The following MAMDC2 variants were observed in gnomAD, a reference collection of about 807,000 sequenced individuals.
The protein encoded by MAMDC2 is MAM domain-containing protein 2.
Under a neutral mutation model 89.8 loss-of-function variants are expected in MAMDC2, and 57 were observed. That is an observed-to-expected ratio of 0.63 (90% CI 0.51 to 0.79). The LOEUF (loss-of-function observed/expected upper bound fraction) is 0.79. MAMDC2 is among the 30% of genes least tolerant of loss of function. The probability of loss-of-function intolerance (pLI) is 0.00; values close to 1 mark genes in which losing one functional copy is unlikely to be tolerated. For synonymous variants in MAMDC2, 313 were observed against 293.4 expected, an observed-to-expected ratio of 1.07 and a Z score of -0.68; for missense variants, 800 against 820.6, an observed-to-expected ratio of 0.97 and a Z score of 0.31.
rs58804811 is a variant in MAMDC2 at position 70,221,380 on chromosome 9, T to TAGAG, written c.1911+2809_1911+2812dup. Among the ~76,000 whole-genome samples the TAGAG allele has an allele frequency of 3.3e-3, 23 of 7,032 alleles. 1 individual carries two copies. Among genetic ancestry groups the TAGAG allele is most frequent in the African/African-American group, 6.1e-3 (14 of 2,288 alleles). The allele number at this position is 7,032 out of a possible 152,430, so 4.6% of individuals were successfully genotyped here. On this transcript the variant is annotated intron_variant, in intron 12 of 13. Transcript: ENST00000377182. Reference sequence around the variant, plus strand: ...AAATATATATATATATATATATATATAGAGAGAGAGAGAGAGAGAGAGAGA... The same window carrying TAGAG: ...AAATATATATATATATATATATATATAGAGAGAGAGAGAGAGAGAGAGAGAGAGA...
intron 11 of MAMDC2, among the ~76,000 whole-genome samples, chr9:70,206,588 C>T (rs1287320302): frequency 6.6e-6 from 1 of 152,086 alleles, no homozygotes; most frequent in Non-Finnish European, 1.5e-5. Context: ...ATACAACAAG[C>T]AACATAGGAG....
At chr9:70,194,339 C>T (rs1487617662) in intron 11 of MAMDC2, 1 of 152,106 alleles carries the variant, frequency 6.6e-6, no homozygotes, top group Non-Finnish European at 1.5e-5. Context: ...AATTAAGAGA[C>T]AAGACCCTTA....
chr9:70,078,511 C>T (rs933024372), intron 2 of MAMDC2, among the ~76,000 whole-genome samples: 4 of 152,058 alleles, frequency 2.6e-5, no homozygotes, highest in Non-Finnish European at 4.4e-5. Flanking sequence ...AAAGGGGACA[C>T]GGAGTGAACT....
chr9:70,167,944 G>T (rs187214377), intron 9 of MAMDC2, among the ~76,000 whole-genome samples: 1 of 152,276 alleles, frequency 6.6e-6, no homozygotes, highest in East Asian at 1.9e-4. Flanking sequence ...TGTGAATGAA[G>T]CATGTTGCCA....
intron 2 of MAMDC2, among the ~76,000 whole-genome samples, chr9:70,105,215 G>A (rs1319655078): frequency 1.3e-5 from 2 of 151,828 alleles, no homozygotes; most frequent in Admixed American, 6.6e-5. Context: ...TAGCTATAAC[G>A]TGACCACAAA....
Position 70,129,881 on chromosome 9 carries a change from G to A in MAMDC2, c.901-1638G>A, listed in dbSNP as rs928844866. 3.3e-5 allele frequency among the ~76,000 whole-genome samples: 5 copies of A among 152,192 alleles called. No homozygotes were observed. The South Asian group carries it at 1.0e-3, about 32-fold the overall frequency. On this transcript the variant is annotated intron_variant, in intron 6 of 13. Coordinates refer to ENST00000377182, the MANE Select transcript of MAMDC2 (RefSeq NM_153267.5). Reference sequence around the variant, plus strand: ...AAGTTCATGATCAAGGTGCTGGCAGGGCTTGTTCCTTCTGAGGGCCATGAG... The same window carrying A: ...AAGTTCATGATCAAGGTGCTGGCAGAGCTTGTTCCTTCTGAGGGCCATGAG...
At position 70,070,618 on chromosome 9, in the gene MAMDC2, G is replaced by A. The variant is rs905309078; in HGVS notation, c.148+25921G>A. Among the ~76,000 whole-genome samples the A allele has an allele frequency of 5.3e-5, 8 of 152,266 alleles. 1 individual carries two copies. In the South Asian group the frequency reaches 1.0e-3, roughly 20 times the overall value. ...AATTGAATGTTTGATTGATTAGAGA[G>A]ACAAGAAGATCTTATAACAATATAT... On this transcript the variant is annotated intron_variant, in intron 2 of 13. Coordinates refer to ENST00000377182, the MANE Select transcript of MAMDC2 (RefSeq NM_153267.5).
In MAMDC2 at chr9:70,078,816, A is replaced by C. The variant is rs557328825; in HGVS notation, c.149-29395A>C. 2.0e-5 allele frequency among the ~76,000 whole-genome samples: 3 copies of C among 152,280 alleles called. No individual in the cohort carries two copies. The East Asian group carries it at 5.8e-4, about 29-fold the overall frequency. On this transcript the variant is annotated intron_variant, in intron 2 of 13. Transcript: ENST00000377182. ...TTTTCTCAGCTGTTAATTAAGAAAC[A>C]ATGGGTAGCCAAGCCTATCATGCAA...
In MAMDC2 at chr9:70,143,649, C is replaced by T; in HGVS notation, c.1234C>T (p.Leu412=). The change falls in exon 9 of 14, where the codon CTG becomes TTG. Residue 412 remains leucine (L), a synonymous_variant. Coordinates refer to ENST00000377182, the MANE Select transcript of MAMDC2 (RefSeq NM_153267.5). ...CCTACCAGGAAACTTGCAGTATTGT[C>T]TGCGTTTTCATTATGCCATCTATGG... ...PSLPGNLQYC[L]RFHYAIYGFL... is the part of the protein sequence containing the mutation. 6.2e-7 allele frequency: 1 copy of T among 1,614,136 alleles called. No individual in the cohort carries two copies. The highest frequency in any genetic ancestry group is 8.5e-7 in the Non-Finnish European group (1 of 1,180,010).
intron 9 of MAMDC2, among the ~76,000 whole-genome samples, chr9:70,146,524 T>C (rs2031409108): frequency 6.6e-6 from 1 of 152,124 alleles, no homozygotes; most frequent in African/African-American, 2.4e-5. Context: ...GAAACTAAAG[T>C]TCACTTACTT....
intron 11 of MAMDC2, among the ~76,000 whole-genome samples, chr9:70,211,012 TG>T (rs1300445562): frequency 6.6e-6 from 1 of 152,246 alleles, no homozygotes; most frequent in Non-Finnish European, 1.5e-5. Flanking sequence ...ATTAGTTTGA[TG>T]GGCTTCCCTT....
rs533370453 is a variant in MAMDC2 at position 70,148,945 on chromosome 9, C to T, written c.1404+5126C>T. Among the ~76,000 whole-genome samples the T allele has an allele frequency of 1.0e-3, 154 of 147,338 alleles. 8 individuals are homozygous for T. Among genetic ancestry groups the T allele is most frequent in the African/African-American group, 3.7e-3 (147 of 39,496 alleles). Reference sequence around the variant, plus strand: ...TCAGGAGGCTGAGGCAGGAGAATGGCGTGAACCCGGGAGGTGGAGCTTGCA... The same window carrying T: ...TCAGGAGGCTGAGGCAGGAGAATGGTGTGAACCCGGGAGGTGGAGCTTGCA... On this transcript the variant is annotated intron_variant, in intron 9 of 13. Coordinates refer to ENST00000377182, the MANE Select transcript of MAMDC2 (RefSeq NM_153267.5).
At chr9:70,197,146 T>C (rs1442900610) in intron 11 of MAMDC2, among the ~76,000 whole-genome samples, 1 of 152,146 alleles carries the variant, frequency 6.6e-6, no homozygotes, top group Non-Finnish European at 1.5e-5. Flanking sequence ...TTGTATTTGA[T>C]CACATTTGAT....
At chr9:70,078,809 A>C (rs1002124106) in intron 2 of MAMDC2, among the ~76,000 whole-genome samples, 2 of 152,154 alleles carry the variant, frequency 1.3e-5, no homozygotes, top group Non-Finnish European at 2.9e-5. Flanking sequence ...GCTGTTAATT[A>C]AGAAACAATG....
At chr9:70,121,685 C>G (rs1158529186) in intron 5 of MAMDC2, among the ~76,000 whole-genome samples, 1 of 149,876 alleles carries the variant, frequency 6.7e-6, no homozygotes, top group African/African-American at 2.5e-5. Context: ...TACCTAGTTT[C>G]ATCCTACTTG....
At chr9:70,168,446 C>T (rs1365346454) in intron 9 of MAMDC2, among the ~76,000 whole-genome samples, 2 of 152,170 alleles carry the variant, frequency 1.3e-5, no homozygotes, top group East Asian at 1.9e-4. Context: ...GAGCCAAGAT[C>T]GTACCACTAC....
At chr9:70,045,747 C>T (rs561265542) in intron 2 of MAMDC2, among the ~76,000 whole-genome samples, 40 of 152,258 alleles carry the variant, frequency 2.6e-4, no homozygotes, top group Admixed American at 2.6e-3. Context: ...TGATGTTGGA[C>T]CCGTTTTACA....
intron 11 of MAMDC2, among the ~76,000 whole-genome samples, chr9:70,208,798 A>T (rs1226981802): frequency 6.6e-6 from 1 of 152,166 alleles, no homozygotes; most frequent in Non-Finnish European, 1.5e-5. Context: ...ATTTTGAGAT[A>T]TGTCCCATCA....
At chr9:70,160,727 C>T (rs1422072308) in intron 9 of MAMDC2, among the ~76,000 whole-genome samples, 1 of 152,100 alleles carries the variant, frequency 6.6e-6, no homozygotes, top group African/African-American at 2.4e-5. Flanking sequence ...GGAAGAGCTG[C>T]TGTGGAAAGG....
Sources: allele counts gnomAD v4.1 joint callset (sites outside exome capture counted in the v4.1 genomes callset), GRCh38; gene constraint gnomAD v4.1.1; transcripts MANE v1.5; gene names NCBI Gene and HGNC (gene_info 2026-07-23, HGNC 2026-07-21).